HHLA1: variants seen among roughly 807,000 people sequenced by gnomAD.
HHLA1 encodes the protein HHLA1 neighbor of OC90.
HHLA1 carries 72 observed loss-of-function variants against 69.9 expected under a neutral mutation model. That is an observed-to-expected ratio of 1.03 (90% CI 0.85 to 1.25). The LOEUF is 1.25. Ranked by LOEUF, HHLA1 falls within the 50% of genes most tolerant of loss-of-function variation. The pLI is 0.00. For synonymous variants in HHLA1, 252 were observed against 233.2 expected, an observed-to-expected ratio of 1.08 and a Z score of -0.73; for missense variants, 685 against 642.2, an observed-to-expected ratio of 1.07 and a Z score of -0.72.
At chr8:132,096,101 A>G (rs1824023640) in intron 5 of HHLA1, among the ~76,000 whole-genome samples, 1 of 152,184 alleles carries the variant, frequency 6.6e-6, no homozygotes, top group Non-Finnish European at 1.5e-5. Context: ...TGGTGGCCTA[A>G]AACAGCAGAA....
At chr8:132,083,437 T>A (rs1224957629) in intron 10 of HHLA1, among the ~76,000 whole-genome samples, 3 of 152,018 alleles carry the variant, frequency 2.0e-5, no homozygotes, top group Admixed American at 6.6e-5. Context: ...CTGTGAGAGT[T>A]ACCCGAAGCT....
chr8:132,070,199 A>G (rs1823510146), intron 15 of HHLA1: 5 of 635,600 alleles, frequency 7.9e-6, no homozygotes, highest in South Asian at 3.7e-5. Context: ...GTATTCATCT[A>G]TGTAATTTAG....
At position 132,087,637 on chromosome 8, in the gene HHLA1, G is replaced by T. The variant is rs1285506418; in HGVS notation, c.676+16C>A. 1.3e-6 allele frequency: 2 copies of T among 1,529,200 alleles called. No homozygotes were observed. Among genetic ancestry groups the T allele is most frequent in the Admixed American group, 3.9e-5 (2 of 50,976 alleles). The allele number at this position is 1,529,200 out of a possible 1,614,324, so 94.7% of individuals were successfully genotyped here. On this transcript the variant is annotated intron_variant, in intron 10 of 16. Coordinates refer to ENST00000414222, the MANE Select transcript of HHLA1 (RefSeq NM_001145095.3). ...CTGGAGAGTCTATGGGAGGAGTTTG[G>T]GAGGTTGGTACTCACCCAGAACACC...
At position 132,079,929 on chromosome 8, in the gene HHLA1, G is replaced by A; in HGVS notation, c.714C>T (p.Pro238=). The A allele has an allele frequency of 6.4e-7, 1 of 1,552,296 alleles. No homozygotes were observed. Residue 238 remains proline (P), a synonymous_variant, in exon 11 of 17, where the codon CCC becomes CCT. Transcript: ENST00000414222. ...ATRGTARTSK[P]TTKSQKTLPS... is the part of the protein sequence containing the mutation. ...GTAGTGTTTTCTGGCTTTTGGTTGT[G>A]GGCTTTGAAGTCCTGGCAGTTCCCC...
intron 3 of HHLA1, chr8:132,101,088 G>C: frequency 7.4e-7 from 1 of 1,349,220 alleles, no homozygotes; most frequent in Non-Finnish European, 9.7e-7. Flanking sequence ...CATGAAAAAT[G>C]ACCATTGCAA....
chr8:132,089,845 AC>A (rs767892370), intron 7 of HHLA1, among the ~76,000 whole-genome samples: 77 of 151,986 alleles, frequency 5.1e-4, no homozygotes, highest in Non-Finnish European at 7.9e-4. Flanking sequence ...CTCTCTCCCA[AC>A]CCCTTCTCTG....
intron 10 of HHLA1, among the ~76,000 whole-genome samples, chr8:132,081,518 C>T (rs1165364306): frequency 6.6e-6 from 1 of 152,142 alleles, no homozygotes; most frequent in Non-Finnish European, 1.5e-5. Context: ...ATACTAAGAG[C>T]CTGAAAAACT....
chr8:132,097,201 A>T (rs1329953002), intron 5 of HHLA1, among the ~76,000 whole-genome samples: 1 of 152,236 alleles, frequency 6.6e-6, no homozygotes, highest in African/African-American at 2.4e-5. Context: ...TGAATACTCC[A>T]GTACTCAGTT....
At chr8:132,081,209 GA>G (rs1449583051) in intron 10 of HHLA1, 1 of 152,190 alleles carries the variant, frequency 6.6e-6, no homozygotes, top group Non-Finnish European at 1.5e-5. Flanking sequence ...GAGTAGTTGA[GA>G]ACGGTGAATA....
rs988634774 is a variant in HHLA1, at chr8:132,063,697, G to T, written c.*298C>A. ...AATTGTCAGGATTGCCTCAAGCATT[G>T]TAGGAGTTTCTTGAGCATGAACACT... On this transcript the variant is annotated 3_prime_UTR_variant, in exon 17 of 17. Coordinates refer to ENST00000414222, the MANE Select transcript of HHLA1 (RefSeq NM_001145095.3). The T allele has an allele frequency of 5.2e-5, 9 of 172,216 alleles. No homozygotes were observed. The East Asian group carries it at 1.3e-3, about 25-fold the overall frequency. The allele number at this position is 172,216 out of a possible 1,614,324, so 10.7% of individuals were successfully genotyped here.
At chr8:132,069,360 T>G (rs781104382) in intron 15 of HHLA1, among the ~76,000 whole-genome samples, 5 of 152,176 alleles carry the variant, frequency 3.3e-5, no homozygotes, top group Admixed American at 6.5e-5. Context: ...CCAGTGTTTT[T>G]TTTGTTTGTT....
chr8:132,086,735 T>C (rs148796833), intron 10 of HHLA1, among the ~76,000 whole-genome samples: 2 of 152,228 alleles, frequency 1.3e-5, no homozygotes, highest in Admixed American at 1.3e-4. Context: ...ATCTACCAAC[T>C]GCCCATTTCA....
At chr8:132,067,943 C>G (rs185226546) in intron 15 of HHLA1, among the ~76,000 whole-genome samples, 1 of 152,334 alleles carries the variant, frequency 6.6e-6, no homozygotes, top group African/African-American at 2.4e-5. Context: ...CCTGCCCTCT[C>G]TATAGCTCAC....
intron 7 of HHLA1, among the ~76,000 whole-genome samples, chr8:132,090,771 T>C (rs2130891874): frequency 6.6e-6 from 1 of 150,638 alleles, no homozygotes; most frequent in South Asian, 2.1e-4. Context: ...TTTTTTTTTT[T>C]TTTTTGAGAT....
chr8:132,088,393 C>T (rs1017139501), intron 8 of HHLA1, among the ~76,000 whole-genome samples: 12 of 152,200 alleles, frequency 7.9e-5, no homozygotes, highest in Non-Finnish European at 1.5e-4. Flanking sequence ...TTACTACTAA[C>T]GTGTTTGATT....
At chr8:132,085,473 T>G in intron 10 of HHLA1, 1 of 388,660 alleles carries the variant, frequency 2.6e-6, no homozygotes, top group South Asian at 1.8e-5. Context: ...AGGTGGATCT[T>G]TCTCATGGAG....
intron 14 of HHLA1, among the ~76,000 whole-genome samples, chr8:132,072,715 T>A (rs553951299): frequency 6.6e-6 from 1 of 152,350 alleles, no homozygotes; most frequent in Non-Finnish European, 1.5e-5. Flanking sequence ...CTCTGCGGAT[T>A]GTCTGGGTAA....
chr8:132,101,677 G>A (rs187193844), intron 3 of HHLA1, among the ~76,000 whole-genome samples: 21 of 151,682 alleles, frequency 1.4e-4, no homozygotes, highest in South Asian at 8.3e-4. Context: ...GGGGTCAAGC[G>A]ATTCTCCTGC....
chr8:132,097,835 G>A (rs1386692945), intron 5 of HHLA1, among the ~76,000 whole-genome samples: 13 of 152,174 alleles, frequency 8.5e-5, no homozygotes, highest in Non-Finnish European at 1.8e-4. Flanking sequence ...ATGTTGATGG[G>A]TCAATGTCTA....
Sources: gnomAD v4.1 joint callset for allele counts (sites outside exome capture counted in the v4.1 genomes callset) on GRCh38, gnomAD v4.1.1 for gene constraint, MANE v1.5 for transcripts, NCBI Gene and HGNC (gene_info 2026-07-23, HGNC 2026-07-21) for gene names.